The following ROBO2 variants were observed in gnomAD, a reference collection of about 807,000 sequenced individuals.
ROBO2 encodes roundabout homolog 2.
Under a neutral mutation model 160.8 loss-of-function variants are expected in ROBO2, and 53 were observed. The ratio of observed to expected loss-of-function variants is 0.33; its 90% CI spans 0.26 to 0.41. ROBO2 has a LOEUF of 0.41. Ranked by LOEUF, ROBO2 falls within the 10% of genes least tolerant of loss-of-function variation. The probability of loss-of-function intolerance (pLI) is 1.00; values close to 1 mark genes in which losing one functional copy is unlikely to be tolerated. For synonymous variants in ROBO2, 664 were observed against 611.7 expected (o/e 1.09, Z -1.26); for missense variants, 1,577 against 1,722.4 (o/e 0.92, Z 1.49).
At chr3:76,022,419 G>C (rs2066599802) in intron 2 of ROBO2, among the ~76,000 whole-genome samples, 2 of 151,734 alleles carry the variant, frequency 1.3e-5, no homozygotes, top group African/African-American at 4.8e-5. Flanking sequence ...CATCAGAGGA[G>C]TCATTATGGC....
chr3:77,221,476 G>T (rs1211829040), intron 2 of ROBO2, among the ~76,000 whole-genome samples: 1 of 152,116 alleles, frequency 6.6e-6, no homozygotes, highest in Non-Finnish European at 1.5e-5. Flanking sequence ...TGGGATTCAG[G>T]CTCAATCCAG....
chr3:76,516,553 T>G (rs3901064), intron 2 of ROBO2, among the ~76,000 whole-genome samples: 45,648 of 151,944 alleles, frequency 0.3, 8,497 homozygotes, highest in Non-Finnish European at 0.41. Flanking sequence ...TGAACTTGGC[T>G]CTTGCTCCAT....
chr3:76,827,802 GA>G (rs146683950), intron 2 of ROBO2, among the ~76,000 whole-genome samples: 13 of 147,732 alleles, frequency 8.8e-5, no homozygotes, highest in Middle Eastern at 3.4e-3. Flanking sequence ...TAGCAGCTTG[GA>G]AAAAAAAAAG....
At chr3:77,102,840 CT>C (rs1299199150) in intron 2 of ROBO2, among the ~76,000 whole-genome samples, 1 of 96,772 alleles carries the variant, frequency 1.0e-5, no homozygotes, top group African/African-American at 4.0e-5. Flanking sequence ...TTATTTTTTT[CT>C]TAGTTTGCAA....
intron 2 of ROBO2, among the ~76,000 whole-genome samples, chr3:76,612,296 T>A (rs1475915400): frequency 6.6e-6 from 1 of 152,236 alleles, no homozygotes; most frequent in African/African-American, 2.4e-5. Context: ...AGATTAAATC[T>A]GATGCTTCTT....
chr3:76,817,361 A>G (rs2065764276), intron 2 of ROBO2, among the ~76,000 whole-genome samples: 1 of 152,028 alleles, frequency 6.6e-6, no homozygotes, highest in Admixed American at 6.6e-5. Context: ...AAAGTTAGGC[A>G]TTTTTGTGTT....
intron 2 of ROBO2, among the ~76,000 whole-genome samples, chr3:76,563,220 G>C (rs554549003): frequency 6.6e-6 from 1 of 152,026 alleles, no homozygotes; most frequent in Admixed American, 6.6e-5. Flanking sequence ...TGGATATTTA[G>C]CTCTGTCATC....
chr3:77,065,346 T>C (rs2066730586), intron 1 of ROBO2, among the ~76,000 whole-genome samples: 1 of 152,348 alleles, frequency 6.6e-6, no homozygotes. Flanking sequence ...ATAAATTTTG[T>C]CTTTTTCTTA....
At chr3:75,955,636 T>C (rs1424185793) in intron 2 of ROBO2, among the ~76,000 whole-genome samples, 1 of 150,616 alleles carries the variant, frequency 6.6e-6, no homozygotes, top group Non-Finnish European at 1.5e-5. Context: ...AGTATAATAA[T>C]AAAAAAAAAG....
chr3:76,690,674 CT>C (rs2092782314), intron 2 of ROBO2, among the ~76,000 whole-genome samples: 1 of 151,970 alleles, frequency 6.6e-6, no homozygotes, highest in Non-Finnish European at 1.5e-5. Context: ...TTATATTCCC[CT>C]CTAGATGAAA....
chr3:76,569,009 T>C (rs2084788116), intron 2 of ROBO2, among the ~76,000 whole-genome samples: 2 of 152,242 alleles, frequency 1.3e-5, no homozygotes, highest in Admixed American at 1.3e-4. Context: ...ATTTAGATCA[T>C]TTAGATATCG....
At position 76,023,773 on chromosome 3, in the gene ROBO2, G is replaced by A. The variant is rs1227711244; in HGVS notation, c.109+86171G>A. 3.3e-5 allele frequency among the ~76,000 whole-genome samples: 5 copies of A among 151,562 alleles called. No homozygotes were observed. The East Asian group carries it at 7.7e-4, about 23-fold the overall frequency. ...CAGAAACCAAAAGTGATCACATGCT[G>A]TTGGAAAAATTGGTGTGAATAGAAT... On this transcript the variant is annotated intron_variant, in intron 2 of 26. Transcript: ENST00000487694.
chr3:76,235,424 C>G (rs1704882964), intron 2 of ROBO2, among the ~76,000 whole-genome samples: 1 of 152,160 alleles, frequency 6.6e-6, no homozygotes, highest in Admixed American at 6.5e-5. Context: ...TTCCCTAAAG[C>G]CTTTGGAGGG....
chr3:77,000,936 C>T (rs2149417267), intron 2 of ROBO2, among the ~76,000 whole-genome samples: 1 of 152,242 alleles, frequency 6.6e-6, no homozygotes, highest in East Asian at 1.9e-4. Flanking sequence ...ATTTCCAAAA[C>T]ATGACATGAC....
chr3:76,380,003 AGTT>A (rs2076537730), intron 2 of ROBO2, among the ~76,000 whole-genome samples: 2 of 151,712 alleles, frequency 1.3e-5, no homozygotes, highest in Admixed American at 1.3e-4. Flanking sequence ...CTGTGTAGAT[AGTT>A]GTACCTTGTT....
At chr3:77,622,048 G>T (rs540133628) in intron 22 of ROBO2, among the ~76,000 whole-genome samples, 179 bp from the exon 24 acceptor site, 3 of 151,756 alleles carry the variant, frequency 2.0e-5, no homozygotes, top group Non-Finnish European at 4.4e-5. Context: ...TGTTTTCCTT[G>T]TTTGGTGAGG....
intron 2 of ROBO2, among the ~76,000 whole-genome samples, chr3:76,739,767 T>TA (rs778126805): frequency 4.6e-5 from 7 of 151,970 alleles, no homozygotes; most frequent in Non-Finnish European, 7.4e-5. Flanking sequence ...GAATTTACTG[T>TA]AAAAAAAAGG....
At chr3:75,974,929 TTGA>T in intron 2 of ROBO2, among the ~76,000 whole-genome samples, 1 of 151,696 alleles carries the variant, frequency 6.6e-6, no homozygotes, top group Non-Finnish European at 1.5e-5. Context: ...TTTTGATAAA[TTGA>T]TGAGCTTTAT....
At chr3:76,437,682 T>C (rs147836255) in intron 2 of ROBO2, among the ~76,000 whole-genome samples, 1 of 152,172 alleles carries the variant, frequency 6.6e-6, no homozygotes, top group Admixed American at 6.6e-5. Flanking sequence ...AGAGGAAGAC[T>C]GTACAATGTT....
Sources: allele counts gnomAD v4.1 joint callset (sites outside exome capture counted in the v4.1 genomes callset), GRCh38; gene constraint gnomAD v4.1.1; transcripts MANE v1.5; gene names NCBI Gene and HGNC (gene_info 2026-07-23, HGNC 2026-07-21).